Variants in ATP8A2 observed in about 807,000 individuals in gnomAD.
ATP8A2 encodes phospholipid-transporting ATPase IB.
In ATP8A2, 100 loss-of-function variants were observed where a neutral mutation model predicts 165.6. That is an observed-to-expected ratio of 0.60 (90% confidence interval 0.51 to 0.71). The LOEUF (loss-of-function observed/expected upper bound fraction) is 0.71. Ranked by LOEUF, ATP8A2 falls within the 30% of genes least tolerant of loss-of-function variation. The probability of loss-of-function intolerance (pLI) is 0.00; values close to 1 mark genes in which losing one functional copy is unlikely to be tolerated. For synonymous variants in ATP8A2, 543 were observed against 548.8 expected, an observed-to-expected ratio of 0.99 and a Z score of 0.15; for missense variants, 1,227 against 1,479.5, an observed-to-expected ratio of 0.83 and a Z score of 2.80.
chr13:25,448,704 C>T (rs2035133387), intron 1 of ATP8A2, among the ~76,000 whole-genome samples: 1 of 152,124 alleles, frequency 6.6e-6, no homozygotes, highest in African/African-American at 2.4e-5. Flanking sequence ...GGCTGGAGTG[C>T]AGTGGCATGA....
chr13:25,680,210 G>A (rs536821783), intron 24 of ATP8A2, among the ~76,000 whole-genome samples: 2 of 152,262 alleles, frequency 1.3e-5, no homozygotes, highest in African/African-American at 4.8e-5. Context: ...TAGAATCATG[G>A]CAGCTTAGTT....
intron 2 of ATP8A2, among the ~76,000 whole-genome samples, chr13:25,485,024 A>G (rs1235530376): frequency 6.6e-6 from 1 of 152,220 alleles, no homozygotes; most frequent in Non-Finnish European, 1.5e-5. Context: ...GCTTTGTTAA[A>G]ACTGCCTCAT....
In ATP8A2 at chr13:25,682,729, T is replaced by C. The variant is rs970638648; in HGVS notation, c.2212-16444T>C. On this transcript the variant is annotated intron_variant, in intron 24 of 36. Transcript: ENST00000381655. Reference sequence around the variant, plus strand: ...TAGGCCTACCCTGAGGATTCACATATGTGTATTGGTTTACAACAACATTAA... The same window carrying C: ...TAGGCCTACCCTGAGGATTCACATACGTGTATTGGTTTACAACAACATTAA... Among the ~76,000 whole-genome samples the C allele has an allele frequency of 1.1e-3, 163 of 152,162 alleles. 2 individuals carry two copies. The highest frequency in any genetic ancestry group is 0.01 in the Admixed American group (160 of 15,274).
chr13:25,986,688 A>G (rs1339173939), intron 35 of ATP8A2, among the ~76,000 whole-genome samples: 3 of 152,238 alleles, frequency 2.0e-5, no homozygotes, highest in African/African-American at 7.2e-5. Flanking sequence ...TGTCTCTTCA[A>G]CATACTGATG....
chr13:25,816,174 CTGTATATTTTACCATACCAAAA>C (rs1376827369), intron 27 of ATP8A2, among the ~76,000 whole-genome samples: 4 of 152,090 alleles, frequency 2.6e-5, no homozygotes, highest in Admixed American at 2.0e-4. Flanking sequence ...ATTTTATGTT[CTGTATATTTTACCATACCAAAA>C]AGGACATAAA....
At chr13:25,822,270 CA>C (rs1364635882) in intron 27 of ATP8A2, among the ~76,000 whole-genome samples, 2 of 151,972 alleles carry the variant, frequency 1.3e-5, no homozygotes, top group African/African-American at 4.8e-5. Flanking sequence ...CATTGTTTTC[CA>C]AATAATGCCA....
At chr13:25,382,371 TATAA>T (rs1467567706) in intron 1 of ATP8A2, among the ~76,000 whole-genome samples, 3 of 152,196 alleles carry the variant, frequency 2.0e-5, no homozygotes, top group Non-Finnish European at 4.4e-5. Flanking sequence ...TTTTTGAAAT[TATAA>T]ATAAAGCTGC....
At chr13:25,440,898 G>A (rs958108461) in intron 1 of ATP8A2, among the ~76,000 whole-genome samples, 7 of 152,160 alleles carry the variant, frequency 4.6e-5, no homozygotes, top group Admixed American at 1.3e-4. Context: ...GACCCTTGAC[G>A]TAGCTTTTTG....
chr13:25,533,780 G>A (rs1010690908), intron 6 of ATP8A2, among the ~76,000 whole-genome samples: 1 of 152,154 alleles, frequency 6.6e-6, no homozygotes, highest in African/African-American at 2.4e-5. Flanking sequence ...TTGCTTCCAC[G>A]TCCCTGGAAG....
rs535247241 is a variant in ATP8A2 at position 25,961,505 on chromosome 13, T to C, written c.3184-70T>C. ...TTTTTGTGTTGTGAAATATTATCCTTGATTACATTATGTTGCTCTGTTTTT... is the reference window on the plus strand; with the variant it reads ...TTTTTGTGTTGTGAAATATTATCCTCGATTACATTATGTTGCTCTGTTTTT... On this transcript the variant is annotated intron_variant, in intron 33 of 36. Transcript: ENST00000381655. The C allele has an allele frequency of 9.6e-6, 12 of 1,246,220 alleles. No homozygotes were observed. The African/African-American group carries it at 1.8e-4, about 18-fold the overall frequency. The allele number at this position is 1,246,220 out of a possible 1,614,324, so 77.2% of individuals were successfully genotyped here.
intron 27 of ATP8A2, among the ~76,000 whole-genome samples, chr13:25,825,879 G>A (rs1951301395): frequency 6.6e-6 from 1 of 151,844 alleles, no homozygotes; most frequent in Admixed American, 6.6e-5. Context: ...CTCTTGGAAG[G>A]GTAGTTGAAA....
intron 33 of ATP8A2, among the ~76,000 whole-genome samples, chr13:25,916,217 A>C (rs1954263222): frequency 6.6e-6 from 1 of 152,212 alleles, no homozygotes; most frequent in East Asian, 1.9e-4. Flanking sequence ...ACTCATCCTA[A>C]ATATGCCTTT....
At chr13:25,696,923 A>G (rs2042845703) in intron 24 of ATP8A2, among the ~76,000 whole-genome samples, 1 of 152,238 alleles carries the variant, frequency 6.6e-6, no homozygotes, top group South Asian at 2.1e-4. Flanking sequence ...GTGTACCAAA[A>G]CAATTTCAAT....
intron 2 of ATP8A2, among the ~76,000 whole-genome samples, chr13:25,521,562 A>T (rs1486398363): frequency 6.6e-6 from 1 of 152,126 alleles, no homozygotes; most frequent in Non-Finnish European, 1.5e-5. Context: ...ATAATGAGAG[A>T]TAGGGGTCTA....
At position 25,570,880 on chromosome 13, in the gene ATP8A2, C is replaced by T. The variant is rs756846112; in HGVS notation, c.1579+8C>T. On this transcript the variant is annotated splice_region_variant and intron_variant, in intron 17 of 36. Coordinates refer to ENST00000381655, the MANE Select transcript of ATP8A2 (RefSeq NM_016529.6). The stretch of plus-strand genomic sequence containing the variant: ...ACCAGGCCTCTTCCCCAGGTGAGGG[C>T]TCTGGCCGGATGCGCCCTGCTGGCC... The T allele has an allele frequency of 1.9e-6, 3 of 1,604,586 alleles. No homozygotes were observed. The highest frequency in any genetic ancestry group is 4.5e-5 in the East Asian group (2 of 44,774).
intron 2 of ATP8A2, among the ~76,000 whole-genome samples, chr13:25,484,011 T>G (rs2036282100): frequency 6.6e-6 from 1 of 152,148 alleles, no homozygotes; most frequent in Admixed American, 6.5e-5. Flanking sequence ...AATCACAAGG[T>G]AGGTTTTGGG....
chr13:25,924,105 G>A (rs1199960188), intron 33 of ATP8A2, among the ~76,000 whole-genome samples: 2 of 152,218 alleles, frequency 1.3e-5, no homozygotes, highest in African/African-American at 4.8e-5. Context: ...CTACAGCACA[G>A]TCCCTCCTCC....
At chr13:25,961,843 T>C (rs920201996) in intron 34 of ATP8A2, among the ~76,000 whole-genome samples, 180 bp downstream of exon 34, 4 of 152,156 alleles carry the variant, frequency 2.6e-5, no homozygotes, top group East Asian at 1.9e-4. Context: ...CATCTTGATA[T>C]GAAAATATAG....
At chr13:25,688,050 C>T (rs1047031254) in intron 24 of ATP8A2, among the ~76,000 whole-genome samples, 3 of 152,104 alleles carry the variant, frequency 2.0e-5, no homozygotes, top group African/African-American at 7.2e-5. Flanking sequence ...CCATACTTTA[C>T]AGGCCTGGGA....
Sources: gnomAD v4.1 joint callset for allele counts (sites outside exome capture counted in the v4.1 genomes callset) on GRCh38, gnomAD v4.1.1 for gene constraint, MANE v1.5 for transcripts, NCBI Gene and HGNC (gene_info 2026-07-23, HGNC 2026-07-21) for gene names.